RARB: variants seen among roughly 807,000 people sequenced by gnomAD.
The protein encoded by RARB is HBV-activated protein.
Under a neutral mutation model 51.9 loss-of-function variants are expected in RARB, and 17 were observed. The observed-to-expected ratio is 0.33, with a 90% CI of 0.22 to 0.49. RARB has a LOEUF of 0.49. RARB is among the 20% of genes least tolerant of loss of function. The probability of loss-of-function intolerance (pLI) is 0.99; values close to 1 mark genes in which losing one functional copy is unlikely to be tolerated. For synonymous variants in RARB, 215 were observed against 195.4 expected, an observed-to-expected ratio of 1.10 and a Z score of -0.84; for missense variants, 369 against 550.8, an observed-to-expected ratio of 0.67 and a Z score of 3.30.
At chr3:24,936,428 G>C (rs1695549179) in intron 2 of RARB, among the ~76,000 whole-genome samples, 1 of 152,080 alleles carries the variant, frequency 6.6e-6, no homozygotes, top group South Asian at 2.1e-4. Flanking sequence ...ATGGTATAGA[G>C]GACTGAAATC....
intron 2 of RARB, among the ~76,000 whole-genome samples, chr3:24,913,105 T>G (rs1363175457): frequency 6.7e-6 from 1 of 149,322 alleles, no homozygotes; most frequent in South Asian, 2.2e-4. Context: ...CTCAGCCTCC[T>G]GAGCAGCTAG....
At chr3:24,898,679 A>G (rs1208327100) in intron 2 of RARB, among the ~76,000 whole-genome samples, 1 of 152,156 alleles carries the variant, frequency 6.6e-6, no homozygotes, top group Non-Finnish European at 1.5e-5. Flanking sequence ...TTCTTATTCT[A>G]ATCAGCTCTA....
At chr3:25,571,453 G>GTGTCAGCCAGGAGAAACACTGGCA (rs1700708638) in intron 4 of RARB, among the ~76,000 whole-genome samples, 1 of 152,216 alleles carries the variant, frequency 6.6e-6, no homozygotes. Context: ...TCGCCCATTG[G>GTGTCAGCCAGGAGAAACACTGGCA]TGTCAGCCAG....
chr3:25,321,577 C>A (rs1032314776), intron 5 of RARB, among the ~76,000 whole-genome samples: 4 of 151,668 alleles, frequency 2.6e-5, no homozygotes, highest in African/African-American at 9.7e-5. Context: ...ATTAGCCGGG[C>A]ATGGTGGCAG....
chr3:25,545,864 CT>C (rs1699596664), intron 3 of RARB, among the ~76,000 whole-genome samples: 1 of 152,152 alleles, frequency 6.6e-6, no homozygotes, highest in African/African-American at 2.4e-5. Flanking sequence ...GGGCTTATAT[CT>C]TTTGGGTGGG....
At chr3:25,349,416 G>A (rs1269591583) in intron 5 of RARB, among the ~76,000 whole-genome samples, 4 of 152,124 alleles carry the variant, frequency 2.6e-5, no homozygotes, top group Non-Finnish European at 5.9e-5. Context: ...ACTTGCGTTG[G>A]GAAATGCTAA....
At chr3:25,334,517 T>G (rs1705004347) in intron 5 of RARB, among the ~76,000 whole-genome samples, 1 of 151,768 alleles carries the variant, frequency 6.6e-6, no homozygotes, top group African/African-American at 2.4e-5. Context: ...CATCACACAC[T>G]GGGGCCTGTT....
Position 25,211,415 on chromosome 3 carries a change from G to A in RARB, c.178+36840G>A, listed in dbSNP as rs573439412. ...ATTACTGCAGTCATTAATTTTAAAA[G>A]CACCATTAGAAGAAATAGTTCCCAG... On this transcript the variant is annotated intron_variant, in intron 5 of 11. Coordinates refer to the RARB transcript ENST00000383772. Among the ~76,000 whole-genome samples the A allele has an allele frequency of 3.3e-5, 5 of 152,222 alleles. No individual in the cohort carries two copies. In the South Asian group the frequency reaches 1.0e-3, roughly 32 times the overall value.
At chr3:24,916,348 G>A (rs951730442) in intron 2 of RARB, among the ~76,000 whole-genome samples, 24 of 152,120 alleles carry the variant, frequency 1.6e-4, no homozygotes, top group African/African-American at 5.6e-4. Context: ...AGGGCATCAG[G>A]AGAGTAAGAT....
chr3:25,059,914 G>A (rs1439330244), intron 2 of RARB, among the ~76,000 whole-genome samples: 1 of 151,754 alleles, frequency 6.6e-6, no homozygotes, highest in Non-Finnish European at 1.5e-5. Flanking sequence ...GATAGAATCT[G>A]AAAAAAGTGA....
chr3:25,254,377 A>G (rs954350955), intron 5 of RARB, among the ~76,000 whole-genome samples: 6 of 152,184 alleles, frequency 3.9e-5, no homozygotes, highest in Admixed American at 2.6e-4. Context: ...TTTCTGTATT[A>G]CTAATTGATT....
At chr3:25,390,804 C>G (rs1706931251) in intron 5 of RARB, among the ~76,000 whole-genome samples, 1 of 152,252 alleles carries the variant, frequency 6.6e-6, no homozygotes, top group East Asian at 1.9e-4. Flanking sequence ...TTATTCAGCT[C>G]TTATTAGATG....
chr3:25,118,471 G>A (rs1307254109), intron 3 of RARB, among the ~76,000 whole-genome samples: 1 of 152,092 alleles, frequency 6.6e-6, no homozygotes, highest in Non-Finnish European at 1.5e-5. Context: ...ATGCCAAAAG[G>A]AAAGACCACT....
At chr3:25,437,701 C>T (rs1451857844) in intron 1 of RARB, among the ~76,000 whole-genome samples, 6 of 152,090 alleles carry the variant, frequency 3.9e-5, no homozygotes, top group Admixed American at 2.6e-4. Context: ...CACAGTGGAG[C>T]GGGCGTGAAG....
At chr3:25,041,298 A>G (rs1247794674) in intron 2 of RARB, among the ~76,000 whole-genome samples, 2 of 151,922 alleles carry the variant, frequency 1.3e-5, no homozygotes, top group African/African-American at 4.8e-5. Context: ...TATTTGATGA[A>G]TTTTTCTACT....
intron 5 of RARB, among the ~76,000 whole-genome samples, chr3:25,294,908 AG>A (rs1297404697): frequency 6.6e-6 from 1 of 152,142 alleles, no homozygotes; most frequent in Non-Finnish European, 1.5e-5. Flanking sequence ...TCTTTATCAC[AG>A]GGTATCGAGG....
chr3:25,137,212 A>T lies in RARB; in HGVS notation c.-280+5004A>T, dbSNP rs893021350. 2.0e-5 allele frequency among the ~76,000 whole-genome samples: 3 copies of T among 152,072 alleles called. No homozygotes were observed. In the East Asian group the frequency reaches 5.8e-4, roughly 29 times the overall value. On this transcript the variant is annotated intron_variant, in intron 4 of 11. Transcript: ENST00000383772. ...TGTATTTAAAAGGACAGCCTTATAC[A>T]TCCAAAGAAAAAAACTTTAAGAACT...
At chr3:25,010,443 G>A (rs1342634678) in intron 2 of RARB, among the ~76,000 whole-genome samples, 4 of 152,058 alleles carry the variant, frequency 2.6e-5, no homozygotes, top group Non-Finnish European at 4.4e-5. Flanking sequence ...CAAAAAGTGT[G>A]ATATTTTACT....
intron 4 of RARB, among the ~76,000 whole-genome samples, chr3:25,577,038 A>G (rs1166179060): frequency 6.6e-6 from 1 of 152,204 alleles, no homozygotes; most frequent in Non-Finnish European, 1.5e-5. Flanking sequence ...AGAGATTCCA[A>G]TAAGGAGGGA....
Sources: allele counts gnomAD v4.1 joint callset (sites outside exome capture counted in the v4.1 genomes callset), GRCh38; gene constraint gnomAD v4.1.1; transcripts MANE v1.5; gene names NCBI Gene and HGNC (gene_info 2026-07-23, HGNC 2026-07-21).